The following SF3B3 variants were observed in gnomAD, a reference collection of about 807,000 sequenced individuals.
SF3B3 encodes splicing factor 3b subunit 3, also known as SAP 130.
Under a neutral mutation model 139.2 loss-of-function variants are expected in SF3B3, and 33 were observed. The ratio of observed to expected loss-of-function variants is 0.24; its 90% confidence interval spans 0.18 to 0.32. The LOEUF is 0.32. SF3B3 is among the 10% of genes least tolerant of loss of function. The pLI, the probability that SF3B3 is intolerant of heterozygous loss-of-function variation, is 1.00. For missense variants in SF3B3, 818 were observed against 1,509.4 expected (o/e 0.54, Z 7.59); for synonymous variants, 596 against 563.6 (o/e 1.06, Z -0.81).
At chr16:70,540,887 G>A (rs1035794574) in intron 8 of SF3B3, among the ~76,000 whole-genome samples, 1 of 152,056 alleles carries the variant, frequency 6.6e-6, no homozygotes, top group Non-Finnish European at 1.5e-5. Context: ...TTCACTATTG[G>A]GAACAATGCT....
At position 70,556,447 on chromosome 16, in the gene SF3B3, A is replaced by G. The variant is rs1012572690; in HGVS notation, c.1866+113A>G. ...GTCTATCTCTGAGATCAGCTGGGTT[A>G]GAACCCAGAATCCATACCTGCTGCT... On this transcript the variant is annotated intron_variant, in intron 14 of 25. Coordinates refer to ENST00000302516, the MANE Select transcript of SF3B3 (RefSeq NM_012426.5). The G allele has an allele frequency of 7.6e-6, 9 of 1,189,508 alleles. No individual in the cohort carries two copies. In the East Asian group the frequency reaches 1.9e-4, roughly 25 times the overall value. The allele number at this position is 1,189,508 out of a possible 1,614,324, so 73.7% of individuals were successfully genotyped here. A position where few individuals can be genotyped will look rare whatever the true frequency, so the allele number is the denominator to read the frequency against.
chr16:70,539,046 T>A, intron 7 of SF3B3, 58 bp from the exon 8 acceptor site: 1 of 1,231,904 alleles, frequency 8.1e-7, no homozygotes, highest in South Asian at 1.2e-5. Flanking sequence ...TGTGCTGTCT[T>A]ATAATACGGG....
chr16:70,547,650 A>G (rs1236149976), intron 10 of SF3B3, among the ~76,000 whole-genome samples: 2 of 152,248 alleles, frequency 1.3e-5, no homozygotes, highest in South Asian at 2.1e-4. Context: ...CTGGAGTGCA[A>G]TGATGCAATC....
At chr16:70,564,870 C>G (rs2050460839) in intron 18 of SF3B3, among the ~76,000 whole-genome samples, 195 bp from the exon 19 acceptor site, 1 of 152,166 alleles carries the variant, frequency 6.6e-6, no homozygotes, top group East Asian at 1.9e-4. Context: ...CTGGATTTCC[C>G]TTTCTGATCT....
At chr16:70,562,327 T>G (rs991821825) in intron 17 of SF3B3, among the ~76,000 whole-genome samples, 4 of 152,206 alleles carry the variant, frequency 2.6e-5, no homozygotes, top group African/African-American at 9.6e-5. Context: ...CTTTTAAAAT[T>G]AAGCCACCAA....
At chr16:70,546,170 T>A (rs1316924652) in intron 10 of SF3B3, among the ~76,000 whole-genome samples, 1 of 152,170 alleles carries the variant, frequency 6.6e-6, no homozygotes, top group African/African-American at 2.4e-5. Flanking sequence ...AGGGTCTTGC[T>A]ATTTTGCCAG....
rs2050560924 is a variant in SF3B3, at chr16:70,574,660, AATTTTTGT to A, written c.*2854_*2861del. 2 of 152,184 alleles carry A rather than the reference AATTTTTGT, an allele frequency of 1.3e-5. No homozygotes were observed. Among genetic ancestry groups the A allele is most frequent in the African/African-American group, 2.4e-5 (1 of 41,434 alleles). The allele number at this position is 152,184 out of a possible 1,614,324, so 9.4% of individuals were successfully genotyped here. On this transcript the variant is annotated 3_prime_UTR_variant, in exon 26 of 26. Transcript: ENST00000302516. The stretch of plus-strand genomic sequence containing the variant: ...CAGGCATGTGCCATCACGTCCAGCT[AATTTTTGT>A]ATTTTTAGTAGAGAAGGTTTTACCA...
intron 8 of SF3B3, among the ~76,000 whole-genome samples, chr16:70,540,770 G>A (rs2050212345): frequency 6.6e-6 from 1 of 151,894 alleles, no homozygotes; most frequent in Non-Finnish European, 1.5e-5. Flanking sequence ...TGTTTTGGTA[G>A]CCTGTATCAG....
At chr16:70,562,697 T>C (rs1333826558) in intron 17 of SF3B3, among the ~76,000 whole-genome samples, 1 of 152,234 alleles carries the variant, frequency 6.6e-6, no homozygotes, top group Admixed American at 6.5e-5. Flanking sequence ...ATTTAGACAA[T>C]CGCTACAGAT....
In SF3B3 at chr16:70,569,023, C is replaced by T. The variant is rs1223794335; in HGVS notation, c.3166-20C>T. On this transcript the variant is annotated intron_variant, in intron 22 of 25. Transcript: ENST00000302516. ...GCAGGTCCGGGCCCCAGCAGTGTGACTTGTGTCACTTCCTTGTAGGTGAGG... is the reference window on the plus strand; with the variant it reads ...GCAGGTCCGGGCCCCAGCAGTGTGATTTGTGTCACTTCCTTGTAGGTGAGG... 6.3e-7 allele frequency: 1 copy of T among 1,580,188 alleles called. No individual in the cohort carries two copies. The highest frequency in any genetic ancestry group is 1.3e-5 in the African/African-American group (1 of 74,366).
At chr16:70,524,588 A>G (rs376389091) in intron 1 of SF3B3, 1 of 106,682 alleles carries the variant, frequency 9.4e-6, no homozygotes, top group Non-Finnish European at 1.8e-5. Context: ...ATCTCGGCTC[A>G]CTGCCATCTC....
Position 70,569,161 on chromosome 16 carries a change from C to G in SF3B3, c.3264+20C>G. 6.4e-7 allele frequency: 1 copy of G among 1,550,402 alleles called. No homozygotes were observed. Among genetic ancestry groups the G allele is most frequent in the Non-Finnish European group, 8.9e-7 (1 of 1,129,758 alleles). ...CAGAAGGTAAGATTGCAGAATGGGC[C>G]CCAGGGAGAACACTGCTTAGCACTT... On this transcript the variant is annotated intron_variant, in intron 23 of 25. Transcript: ENST00000302516.
At chr16:70,531,323 TG>T (rs964984112) in intron 4 of SF3B3, among the ~76,000 whole-genome samples, 1 of 152,170 alleles carries the variant, frequency 6.6e-6, no homozygotes, top group Non-Finnish European at 1.5e-5. Flanking sequence ...TTCTTTTTTT[TG>T]AGACAGTCTT....
Position 70,544,884 on chromosome 16 carries a change from C to A in SF3B3, c.1329+351C>A, listed in dbSNP as rs537862269. 7.2e-5 allele frequency among the ~76,000 whole-genome samples: 11 copies of A among 152,206 alleles called. No individual in the cohort carries two copies. The South Asian group carries it at 2.1e-3, about 29-fold the overall frequency. On this transcript the variant is annotated intron_variant, in intron 10 of 25. Transcript: ENST00000302516. ...TTTTTTCTATTCCTCAACTTGTTAG[C>A]ATGATAGCCCACATGGTCACTAGTC...
In SF3B3 at chr16:70,575,509, T is replaced by A. The variant is rs1400738808; in HGVS notation, c.*3696T>A. 1 of 152,332 alleles carries A rather than the reference T, an allele frequency of 6.6e-6. No homozygotes were observed. The highest frequency in any genetic ancestry group is 1.5e-5 in the Non-Finnish European group (1 of 68,136). 9.4% of individuals were successfully genotyped at this position (152,332 alleles called of 1,614,324 possible). A position where few individuals can be genotyped will look rare whatever the true frequency, so the allele number is the denominator to read the frequency against. On this transcript the variant is annotated 3_prime_UTR_variant, in exon 26 of 26. Transcript: ENST00000302516. Reference sequence around the variant, plus strand: ...CCACTGCACTTGGCCAGGAGCTGTTTAAGCCATCAGGAGACATGCTGACCC... The same window carrying A: ...CCACTGCACTTGGCCAGGAGCTGTTAAAGCCATCAGGAGACATGCTGACCC...
At chr16:70,571,579 A>G in intron 25 of SF3B3, 94 bp from the exon 26 acceptor site, 1 of 1,382,778 alleles carries the variant, frequency 7.2e-7, no homozygotes, top group Non-Finnish European at 9.8e-7. Flanking sequence ...ACTAAAAAAT[A>G]AAAACAGCTT....
At chr16:70,551,616 C>T (rs987062651) in intron 11 of SF3B3, among the ~76,000 whole-genome samples, 2 of 152,120 alleles carry the variant, frequency 1.3e-5, no homozygotes, top group African/African-American at 4.8e-5. Context: ...GCAGGAGAAT[C>T]GCTTGAACCT....
At chr16:70,567,318 G>T (rs1160459444) in intron 20 of SF3B3, 93 bp from the exon 21 acceptor site, 2 of 1,357,474 alleles carry the variant, frequency 1.5e-6, no homozygotes, top group Non-Finnish European at 2.0e-6. Context: ...TTAATGATAG[G>T]CTCCTGTGGA....
intron 9 of SF3B3, among the ~76,000 whole-genome samples, chr16:70,543,849 T>G (rs1352068609): frequency 3.6e-5 from 4 of 111,566 alleles, no homozygotes; most frequent in Admixed American, 9.0e-5. Flanking sequence ...TTTTTTTGTG[T>G]TTTTTTTTTT....
Sources: gnomAD v4.1 joint callset for allele counts (sites outside exome capture counted in the v4.1 genomes callset) on GRCh38, gnomAD v4.1.1 for gene constraint, MANE v1.5 for transcripts, NCBI Gene and HGNC (gene_info 2026-07-23, HGNC 2026-07-21) for gene names.